PPP2R2A: variants seen among roughly 807,000 people sequenced by gnomAD.
PPP2R2A encodes the protein serine/threonine-protein phosphatase 2A 55 kDa regulatory subunit B alpha isoform.
Under a neutral mutation model 53.2 loss-of-function variants are expected in PPP2R2A, and 9 were observed. The ratio of observed to expected loss-of-function variants is 0.17; its 90% CI spans 0.10 to 0.30. The LOEUF (loss-of-function observed/expected upper bound fraction) is 0.30. Ranked by LOEUF, PPP2R2A falls within the 10% of genes least tolerant of loss-of-function variation. The pLI, the probability that PPP2R2A is intolerant of heterozygous loss-of-function variation, is 1.00. For missense variants in PPP2R2A, 235 were observed against 534.6 expected (o/e 0.44, Z 5.53); for synonymous variants, 169 against 174.2 (o/e 0.97, Z 0.23).
chr8:26,326,038 T>C (rs1803070513), intron 2 of PPP2R2A, among the ~76,000 whole-genome samples: 1 of 152,220 alleles, frequency 6.6e-6, no homozygotes, highest in South Asian at 2.1e-4. Flanking sequence ...GTTTTCGCCA[T>C]GTTGCCCAGG....
chr8:26,369,393 A>T (rs1563330346), intron 9 of PPP2R2A, among the ~76,000 whole-genome samples: 1 of 143,394 alleles, frequency 7.0e-6, no homozygotes, highest in African/African-American at 2.5e-5. Flanking sequence ...CACCCAGCTA[A>T]TTTTTTTTTT....
At chr8:26,303,148 G>T (rs1169781338) in intron 2 of PPP2R2A, among the ~76,000 whole-genome samples, 2 of 152,108 alleles carry the variant, frequency 1.3e-5, no homozygotes, top group Non-Finnish European at 2.9e-5. Context: ...CTCCCTCCCT[G>T]TTCTTTTAGA....
At chr8:26,318,709 C>T (rs1585348236) in intron 2 of PPP2R2A, among the ~76,000 whole-genome samples, 2 of 152,174 alleles carry the variant, frequency 1.3e-5, no homozygotes, top group Admixed American at 6.5e-5. Flanking sequence ...ACAGTGAGAA[C>T]CTTAGTTCCC....
intron 2 of PPP2R2A, among the ~76,000 whole-genome samples, chr8:26,308,175 G>A (rs754175666): frequency 1.3e-5 from 2 of 152,178 alleles, no homozygotes; most frequent in African/African-American, 4.8e-5. Context: ...CTGAGCCTTC[G>A]GCAAGTTTAC....
At chr8:26,339,670 T>C (rs1296224988) in intron 3 of PPP2R2A, among the ~76,000 whole-genome samples, 1 of 152,156 alleles carries the variant, frequency 6.6e-6, no homozygotes, top group Non-Finnish European at 1.5e-5. Context: ...TTTTTTCTTA[T>C]TCATTCTCTC....
At chr8:26,324,398 C>G (rs770086498) in intron 2 of PPP2R2A, among the ~76,000 whole-genome samples, 1 of 152,176 alleles carries the variant, frequency 6.6e-6, no homozygotes, top group Non-Finnish European at 1.5e-5. Flanking sequence ...GTTTGTCTTA[C>G]TCTTGTACCT....
chr8:26,314,895 C>T (rs955214404), intron 2 of PPP2R2A, among the ~76,000 whole-genome samples: 2 of 144,802 alleles, frequency 1.4e-5, no homozygotes, highest in Non-Finnish European at 3.0e-5. Context: ...CCTTCCCCCC[C>T]CCCCCCCCAA....
chr8:26,324,298 T>C (rs1802981420), intron 2 of PPP2R2A, among the ~76,000 whole-genome samples: 1 of 152,268 alleles, frequency 6.6e-6, no homozygotes, highest in Non-Finnish European at 1.5e-5. Context: ...TTTAGAGCAC[T>C]GAGCACTGCC....
intron 4 of PPP2R2A, chr8:26,359,094 C>T: frequency 3.1e-6 from 1 of 321,030 alleles, no homozygotes; most frequent in South Asian, 2.6e-5. Flanking sequence ...CTTCATCTCT[C>T]TGTTCTGTTC....
rs1585362729 is a variant in PPP2R2A, at chr8:26,328,642, TA to T, written c.83-10246del. Among the ~76,000 whole-genome samples the T allele has an allele frequency of 2.0e-5, 3 of 152,220 alleles. No homozygotes were observed. In the East Asian group the frequency reaches 5.8e-4, roughly 29 times the overall value. ...TACAAACAGGATCAAATGTACTTTG[TA>T]ACATTTTAAAAACTCGGTGATACAT... is the stretch of plus-strand genomic sequence containing the variant. On this transcript the variant is annotated intron_variant, in intron 2 of 9. Transcript: ENST00000380737.
chr8:26,313,400 G>C (rs1585341078), intron 2 of PPP2R2A, among the ~76,000 whole-genome samples: 1 of 152,068 alleles, frequency 6.6e-6, no homozygotes, highest in African/African-American at 2.4e-5. Flanking sequence ...AGATGGAAAT[G>C]GTAGCTAAGA....
At chr8:26,313,675 C>T (rs189180712) in intron 2 of PPP2R2A, among the ~76,000 whole-genome samples, 42 of 152,050 alleles carry the variant, frequency 2.8e-4, no homozygotes, top group Non-Finnish European at 4.4e-5. Flanking sequence ...CACAAGGATG[C>T]TATAAAAGGG....
intron 3 of PPP2R2A, among the ~76,000 whole-genome samples, chr8:26,352,321 C>A (rs1272478871): frequency 5.3e-5 from 8 of 152,184 alleles, no homozygotes; most frequent in Non-Finnish European, 1.2e-4. Context: ...ACAATGCTAT[C>A]ATGATCATTA....
chr8:26,352,942 C>T (rs1462536674), intron 3 of PPP2R2A, among the ~76,000 whole-genome samples: 1 of 152,102 alleles, frequency 6.6e-6, no homozygotes, highest in East Asian at 1.9e-4. Context: ...CCTCTACGCC[C>T]TAGTGTACAT....
chr8:26,291,542 C>G lies in PPP2R2A; in HGVS notation c.-278C>G, dbSNP rs1025679260. The G allele has an allele frequency of 1.2e-5, 6 of 520,996 alleles. No homozygotes were observed. Among genetic ancestry groups the G allele is most frequent in the East Asian group, 1.1e-4 (3 of 27,776 alleles). 32.3% of individuals were successfully genotyped at this position (520,996 alleles called of 1,614,324 possible). On this transcript the variant is annotated 5_prime_UTR_variant, in exon 1 of 10. Coordinates refer to ENST00000380737, the MANE Select transcript of PPP2R2A (RefSeq NM_002717.4). Reference sequence around the variant, plus strand: ...GGCGCCATTTTGAAAGTGGAGTCGCCTGCCCCTGCCGCTGCCGCCGCCGCC... The same window carrying G: ...GGCGCCATTTTGAAAGTGGAGTCGCGTGCCCCTGCCGCTGCCGCCGCCGCC...
At chr8:26,349,413 C>T (rs1270965613) in intron 3 of PPP2R2A, among the ~76,000 whole-genome samples, 2 of 152,130 alleles carry the variant, frequency 1.3e-5, no homozygotes, top group Non-Finnish European at 2.9e-5. Flanking sequence ...TTACTTCCAC[C>T]TTTTGGCTCT....
At chr8:26,317,296 C>T (rs1802610120) in intron 2 of PPP2R2A, among the ~76,000 whole-genome samples, 1 of 152,136 alleles carries the variant, frequency 6.6e-6, no homozygotes, top group African/African-American at 2.4e-5. Flanking sequence ...AAGAGATGTA[C>T]ATTTAATGTT....
At chr8:26,293,390 C>A in intron 1 of PPP2R2A, 1 of 950,930 alleles carries the variant, frequency 1.1e-6, no homozygotes, top group Non-Finnish European at 1.6e-6. Flanking sequence ...GAATGTAAGG[C>A]TTTTACTGTA....
chr8:26,291,840 C>T lies in PPP2R2A; in HGVS notation c.7+14C>T, dbSNP rs193256504. Reference sequence around the variant, plus strand: ...GCAACATGGCAGGTAAAGGAGAAATCCCCCTCGCCCCCTGACAAGGCACCG... The same window carrying T: ...GCAACATGGCAGGTAAAGGAGAAATTCCCCTCGCCCCCTGACAAGGCACCG... On this transcript the variant is annotated intron_variant, in intron 1 of 9. Coordinates refer to ENST00000380737, the MANE Select transcript of PPP2R2A (RefSeq NM_002717.4). 57 of 1,608,558 alleles carry T rather than the reference C, an allele frequency of 3.5e-5. No homozygotes were observed. The highest frequency in any genetic ancestry group is 1.5e-4 in the African/African-American group (11 of 74,578).
Sources: gnomAD v4.1 joint callset for allele counts (sites outside exome capture counted in the v4.1 genomes callset) on GRCh38, gnomAD v4.1.1 for gene constraint, MANE v1.5 for transcripts, NCBI Gene and HGNC (gene_info 2026-07-23, HGNC 2026-07-21) for gene names.